Variants in NSG2 observed in about 807,000 individuals in gnomAD.
NSG2 encodes the protein neuronal vesicle trafficking associated 2.
A neutral mutation model predicts 16.9 loss-of-function variants in NSG2; 4 were observed. That is an observed-to-expected ratio of 0.24 (90% CI 0.12 to 0.54). NSG2 has a LOEUF of 0.54. Among genes scored for constraint, NSG2 ranks in the 20% least tolerant of loss-of-function variants. The pLI is 0.95. For missense variants in NSG2, 179 were observed against 221.1 expected (o/e 0.81, Z 1.21); for synonymous variants, 98 against 88.7 (o/e 1.11, Z -0.59).
At chr5:174,104,178 C>A (rs1760942461) in intron 3 of NSG2, 50 bp from the exon 4 acceptor site, 2 of 1,344,928 alleles carry the variant, frequency 1.5e-6, no homozygotes, top group Non-Finnish European at 2.1e-6. Context: ...CATACGGGGA[C>A]TGAAGGTGGG....
At chr5:174,094,113 T>C (rs1221213455) in intron 3 of NSG2, among the ~76,000 whole-genome samples, 1 of 152,202 alleles carries the variant, frequency 6.6e-6, no homozygotes, top group Non-Finnish European at 1.5e-5. Context: ...TGGTTAGGGT[T>C]GAGGGCTTTA....
chr5:174,046,928 C>G (rs530124876), intron 2 of NSG2, 44 bp downstream of exon 2: 2 of 1,599,434 alleles, frequency 1.3e-6, no homozygotes, highest in African/African-American at 1.3e-5. Flanking sequence ...AGGCTCCCCC[C>G]ATCTCAGGAA....
intron 2 of NSG2, 60 bp downstream of exon 2, chr5:174,046,944 G>A: frequency 8.9e-6 from 14 of 1,577,720 alleles, no homozygotes; most frequent in East Asian, 2.3e-5. Flanking sequence ...AGGAAATAAA[G>A]CAGCAAAAAA....
At chr5:174,083,217 T>A (rs929862503) in intron 3 of NSG2, among the ~76,000 whole-genome samples, 2 of 152,182 alleles carry the variant, frequency 1.3e-5, no homozygotes, top group African/African-American at 4.8e-5. Flanking sequence ...CACGTATACG[T>A]CATCCCTGAC....
intron 3 of NSG2, among the ~76,000 whole-genome samples, chr5:174,065,731 A>G (rs1760127840): frequency 6.6e-6 from 1 of 152,214 alleles, no homozygotes; most frequent in African/African-American, 2.4e-5. Context: ...CCCTGGAGGC[A>G]GTAGAACAAG....
intron 3 of NSG2, among the ~76,000 whole-genome samples, chr5:174,093,251 A>C (rs73806556): frequency 6.6e-6 from 1 of 152,160 alleles, no homozygotes; most frequent in Non-Finnish European, 1.5e-5. Context: ...TAAGCATTCC[A>C]TGTATGCTAA....
chr5:174,079,735 C>T (rs1050178445), intron 3 of NSG2, among the ~76,000 whole-genome samples: 1 of 152,156 alleles, frequency 6.6e-6, no homozygotes, highest in Non-Finnish European at 1.5e-5. Context: ...TTGTTATTTC[C>T]TCAGTCGTCC....
intron 3 of NSG2, among the ~76,000 whole-genome samples, chr5:174,070,357 G>A (rs1760217471): frequency 6.6e-6 from 1 of 152,112 alleles, no homozygotes; most frequent in African/African-American, 2.4e-5. Context: ...AGAGAAGTGA[G>A]GTGATTTTCC....
chr5:174,050,417 G>T (rs959389407), intron 2 of NSG2, among the ~76,000 whole-genome samples: 8 of 152,124 alleles, frequency 5.3e-5, no homozygotes, highest in Non-Finnish European at 1.0e-4. Context: ...ACTATGCAGG[G>T]CATTCAGGTT....
intron 3 of NSG2, among the ~76,000 whole-genome samples, chr5:174,095,338 A>G (rs1199978385): frequency 6.6e-6 from 1 of 152,234 alleles, no homozygotes; most frequent in Non-Finnish European, 1.5e-5. Context: ...CTCACAGTTC[A>G]GGGTGTCAGA....
Position 174,100,690 on chromosome 5 carries a change from C to T in NSG2, c.214-3538C>T, listed in dbSNP as rs554443318. 8.5e-5 allele frequency among the ~76,000 whole-genome samples: 13 copies of T among 152,318 alleles called. No homozygotes were observed. In the East Asian group the frequency reaches 2.5e-3, roughly 29 times the overall value. On this transcript the variant is annotated intron_variant, in intron 3 of 4. Transcript: ENST00000303177. ...CTCGTGCTCTCTAGCCCTGGTGGTG[C>T]TTTGGTGAATCAGCCCCTGCAGTTC... is the stretch of plus-strand genomic sequence containing the variant.
At chr5:174,078,247 G>A (rs78130476) in intron 3 of NSG2, among the ~76,000 whole-genome samples, 2,927 of 151,596 alleles carry the variant, frequency 0.019, 99 homozygotes, top group African/African-American at 0.067. Flanking sequence ...TTTCCTAAAG[G>A]TCTTATATGT....
intron 3 of NSG2, among the ~76,000 whole-genome samples, chr5:174,076,248 C>T (rs914530979): frequency 1.3e-5 from 2 of 152,156 alleles, no homozygotes; most frequent in Non-Finnish European, 2.9e-5. Flanking sequence ...ATAGACGGGA[C>T]ACATTCCCCT....
chr5:174,057,201 TTC>T (rs1232343069), intron 2 of NSG2, among the ~76,000 whole-genome samples: 1 of 152,238 alleles, frequency 6.6e-6, no homozygotes, highest in Non-Finnish European at 1.5e-5. Flanking sequence ...TCTACTTTTC[TTC>T]TCTCATTTCT....
chr5:174,073,780 A>G (rs1760285422), intron 3 of NSG2, among the ~76,000 whole-genome samples: 1 of 152,202 alleles, frequency 6.6e-6, no homozygotes, highest in African/African-American at 2.4e-5. Flanking sequence ...TCGCAAAAGG[A>G]TGGGCTTTTA....
chr5:174,047,453 G>A (rs909942033), intron 2 of NSG2, among the ~76,000 whole-genome samples: 1 of 152,214 alleles, frequency 6.6e-6, no homozygotes, highest in African/African-American at 2.4e-5. Context: ...GGGTGGAGAA[G>A]GTTTGGGAAT....
At chr5:174,092,878 C>A (rs1012587260) in intron 3 of NSG2, among the ~76,000 whole-genome samples, 3 of 152,072 alleles carry the variant, frequency 2.0e-5, no homozygotes, top group African/African-American at 7.2e-5. Context: ...CAGAAGGAAT[C>A]AAGATTTAAG....
In NSG2 at chr5:174,090,923, C is replaced by A. The variant is rs1317826377; in HGVS notation, c.214-13305C>A. ...TGGAGTAGTTTATCTGGCAGGGGAA[C>A]CCCCACTGGAATGCCTAGCAGTGCC... On this transcript the variant is annotated intron_variant, in intron 3 of 4. Coordinates refer to ENST00000303177, the MANE Select transcript of NSG2 (RefSeq NM_015980.5). Among the ~76,000 whole-genome samples, 5 of 152,262 alleles carry A rather than the reference C, an allele frequency of 3.3e-5. No homozygotes were observed. The East Asian group carries it at 9.6e-4, about 29-fold the overall frequency.
intron 2 of NSG2, among the ~76,000 whole-genome samples, chr5:174,063,521 CTATTTTATTTTATTT>C (rs61400785): frequency 0.016 from 2,306 of 144,920 alleles, 24 homozygotes; most frequent in African/African-American, 0.019. Flanking sequence ...TCATAACTTT[CTATTTTATTTTATTT>C]TATTTTATTT....
Sources: gnomAD v4.1 joint callset for allele counts (sites outside exome capture counted in the v4.1 genomes callset) on GRCh38, gnomAD v4.1.1 for gene constraint, MANE v1.5 for transcripts, NCBI Gene and HGNC (gene_info 2026-07-23, HGNC 2026-07-21) for gene names.